The following FHIP1A variants were observed in gnomAD, a reference collection of about 807,000 sequenced individuals.
The protein encoded by FHIP1A is FHF complex subunit HOOK interacting protein 1A, also known as FHF complex subunit HOOK-interacting protein 1A.
FHIP1A carries 61 observed loss-of-function variants against 88.6 expected under a neutral mutation model. The observed-to-expected ratio is 0.69, with a 90% CI of 0.56 to 0.85. FHIP1A has a LOEUF of 0.85. Among genes scored for constraint, FHIP1A ranks in the 40% least tolerant of loss-of-function variants. The pLI, the probability that FHIP1A is intolerant of heterozygous loss-of-function variation, is 0.00. For synonymous variants in FHIP1A, 478 were observed against 496.0 expected (o/e 0.96, Z 0.48); for missense variants, 1,154 against 1,273.5 (o/e 0.91, Z 1.43).
rs535431878 is a variant in FHIP1A at position 151,449,966 on chromosome 4, G to C, written c.-355-4735G>C. 5.3e-5 allele frequency among the ~76,000 whole-genome samples: 8 copies of C among 152,072 alleles called. No individual in the cohort carries two copies. The South Asian group carries it at 1.5e-3, about 28-fold the overall frequency. Reference sequence around the variant, plus strand: ...TTTTCTCTGAGTTTAGAAATCTTAAGTTTTATCAGCCTTAAATATTGAGTA... The same window carrying C: ...TTTTCTCTGAGTTTAGAAATCTTAACTTTTATCAGCCTTAAATATTGAGTA... On this transcript the variant is annotated intron_variant, in intron 1 of 13. Coordinates refer to ENST00000435205, the MANE Select transcript of FHIP1A (RefSeq NM_001109977.3).
chr4:151,604,721 C>T (rs573168160), intron 7 of FHIP1A, among the ~76,000 whole-genome samples: 21 of 151,674 alleles, frequency 1.4e-4, no homozygotes, highest in African/African-American at 2.4e-4. Context: ...TGGTGGTGGG[C>T]GCCTGTAGAC....
At chr4:151,617,754 C>T (rs1468597111) in intron 7 of FHIP1A, among the ~76,000 whole-genome samples, 1 of 152,084 alleles carries the variant, frequency 6.6e-6, no homozygotes, top group African/African-American at 2.4e-5. Flanking sequence ...GGCATGGTGG[C>T]GTGTGCCTGT....
rs968255537 is a variant in FHIP1A, at chr4:151,664,840, G to A, written c.*2086G>A. Among the ~76,000 whole-genome samples, 2 of 152,082 alleles carry A rather than the reference G, an allele frequency of 1.3e-5. No individual in the cohort carries two copies. The highest frequency in any genetic ancestry group is 2.9e-5 in the Non-Finnish European group (2 of 68,020). ...TTTACACCTTTCTCCATTATCTGGT[G>A]GTGGTGTTGATTCTTCTTGAATCCA... On this transcript the variant is annotated 3_prime_UTR_variant, in exon 14 of 14. Coordinates refer to ENST00000435205, the MANE Select transcript of FHIP1A (RefSeq NM_001109977.3).
chr4:151,440,600 CA>C (rs1289174203), intron 1 of FHIP1A, among the ~76,000 whole-genome samples: 1 of 152,080 alleles, frequency 6.6e-6, no homozygotes, highest in African/African-American at 2.4e-5. Context: ...CAGTGATTTT[CA>C]AGGGGATTTA....
intron 7 of FHIP1A, among the ~76,000 whole-genome samples, chr4:151,623,687 T>C (rs1735839829): frequency 6.6e-6 from 1 of 152,186 alleles, no homozygotes; most frequent in African/African-American, 2.4e-5. Flanking sequence ...ATCCCCATTT[T>C]GCAGAGGAGG....
rs575130312 is a variant in FHIP1A at position 151,536,525 on chromosome 4, G to A, written c.-122-29613G>A. Reference sequence around the variant, plus strand: ...TATCCTCCATTTCTAAAATTTTATCGTTAAAAAATGTTATATAGGTGGAAT... The same window carrying A: ...TATCCTCCATTTCTAAAATTTTATCATTAAAAAATGTTATATAGGTGGAAT... On this transcript the variant is annotated intron_variant, in intron 3 of 13. Transcript: ENST00000435205. Among the ~76,000 whole-genome samples the A allele has an allele frequency of 9.2e-5, 14 of 151,998 alleles. No individual in the cohort carries two copies. The South Asian group carries it at 1.7e-3, about 18-fold the overall frequency.
intron 3 of FHIP1A, among the ~76,000 whole-genome samples, chr4:151,494,806 G>A (rs1730402962): frequency 6.6e-6 from 1 of 152,140 alleles, no homozygotes; most frequent in African/African-American, 2.4e-5. Flanking sequence ...CCATGAGCAT[G>A]GAATGTTTTT....
chr4:151,508,554 G>C (rs1389582137), intron 3 of FHIP1A, among the ~76,000 whole-genome samples: 2 of 152,168 alleles, frequency 1.3e-5, no homozygotes, highest in African/African-American at 4.8e-5. Context: ...TTCTCGCCCT[G>C]TAGGTGAACA....
intron 2 of FHIP1A, among the ~76,000 whole-genome samples, chr4:151,474,934 CT>C (rs1729647156): frequency 2.0e-5 from 3 of 152,166 alleles, no homozygotes; most frequent in African/African-American, 7.2e-5. Flanking sequence ...ATTCCTCAGA[CT>C]TTCAATCAAT....
At chr4:151,512,284 C>T (rs2126679291) in intron 3 of FHIP1A, among the ~76,000 whole-genome samples, 1 of 152,318 alleles carries the variant, frequency 6.6e-6, no homozygotes, top group Non-Finnish European at 1.5e-5. Context: ...AAAAACCCAT[C>T]TGTACATCAC....
chr4:151,568,133 G>A (rs1357677281), intron 4 of FHIP1A, among the ~76,000 whole-genome samples: 1 of 152,154 alleles, frequency 6.6e-6, no homozygotes, highest in Non-Finnish European at 1.5e-5. Flanking sequence ...GTGTCACATT[G>A]TTGAAAGACT....
chr4:151,517,228 C>A (rs1731274184), intron 3 of FHIP1A, among the ~76,000 whole-genome samples: 1 of 151,924 alleles, frequency 6.6e-6, no homozygotes, highest in Non-Finnish European at 1.5e-5. Context: ...CGCATATTCT[C>A]ACTCATAGGC....
chr4:151,655,838 G>A (rs1431618395), intron 11 of FHIP1A, among the ~76,000 whole-genome samples: 1 of 152,168 alleles, frequency 6.6e-6, no homozygotes, highest in African/African-American at 2.4e-5. Flanking sequence ...CGTCCATACA[G>A]TCTGTGCATC....
chr4:151,416,681 A>T (rs1007943338), intron 1 of FHIP1A, among the ~76,000 whole-genome samples: 1 of 152,114 alleles, frequency 6.6e-6, no homozygotes, highest in East Asian at 1.9e-4. Context: ...TGGTATAAAA[A>T]TTTTTCTTAA....
At chr4:151,435,427 T>A (rs899605502) in intron 1 of FHIP1A, among the ~76,000 whole-genome samples, 3 of 152,184 alleles carry the variant, frequency 2.0e-5, no homozygotes, top group Non-Finnish European at 4.4e-5. Flanking sequence ...AAGGGGTATC[T>A]GTGATGACTG....
chr4:151,440,907 G>A (rs1345728781), intron 1 of FHIP1A, among the ~76,000 whole-genome samples: 12 of 152,062 alleles, frequency 7.9e-5, no homozygotes, highest in Non-Finnish European at 2.9e-5. Context: ...TCAGTTATCT[G>A]CTCAGCTGAG....
At chr4:151,630,357 T>C (rs1736109721) in intron 8 of FHIP1A, among the ~76,000 whole-genome samples, 1 of 152,184 alleles carries the variant, frequency 6.6e-6, no homozygotes, top group Admixed American at 6.5e-5. Context: ...TGAAAAATAC[T>C]CCTCCCCAAA....
intron 1 of FHIP1A, among the ~76,000 whole-genome samples, chr4:151,412,610 T>TCCTTCCTCCCTCCCTC (rs1397475261): frequency 1.6e-5 from 2 of 121,954 alleles, no homozygotes; most frequent in East Asian, 4.7e-4. Flanking sequence ...CTTCCTTCCT[T>TCCTTCCTCCCTCCCTC]CCTCCCTCCC....
chr4:151,433,594 C>T (rs962465284), intron 1 of FHIP1A, among the ~76,000 whole-genome samples: 2 of 152,052 alleles, frequency 1.3e-5, no homozygotes, highest in African/African-American at 4.8e-5. Context: ...GATTTTAGCT[C>T]TGAGTTAGAA....
Sources: allele counts gnomAD v4.1 joint callset (sites outside exome capture counted in the v4.1 genomes callset), GRCh38; gene constraint gnomAD v4.1.1; transcripts MANE v1.5; gene names NCBI Gene and HGNC (gene_info 2026-07-23, HGNC 2026-07-21).